ARL13B: variants seen among roughly 807,000 people sequenced by gnomAD.
The protein encoded by ARL13B is ADP-ribosylation factor-like protein 13B.
In ARL13B, 36 loss-of-function variants were observed where a neutral mutation model predicts 56.1. The observed-to-expected ratio is 0.64, with a 90% CI of 0.49 to 0.85. The LOEUF is 0.85. ARL13B is among the 40% of genes least tolerant of loss of function. The pLI, the probability that ARL13B is intolerant of heterozygous loss-of-function variation, is 0.00. For missense variants in ARL13B, 519 were observed against 507.1 expected (o/e 1.02, Z -0.23); for synonymous variants, 178 against 171.1 (o/e 1.04, Z -0.32).
At chr3:94,028,156 C>T (rs2076596982) in intron 3 of ARL13B, among the ~76,000 whole-genome samples, 1 of 151,990 alleles carries the variant, frequency 6.6e-6, no homozygotes, top group African/African-American at 2.4e-5. Context: ...TTTTTATTAT[C>T]GTAGTCTATT....
chr3:94,028,730 A>T (rs1039483873), intron 3 of ARL13B: 14 of 152,342 alleles, frequency 9.2e-5, no homozygotes, highest in Admixed American at 2.6e-4. Flanking sequence ...AGTATTTGGC[A>T]CTGGATCTGC....
intron 3 of ARL13B, among the ~76,000 whole-genome samples, chr3:94,010,425 A>G (rs370189940): frequency 1.8e-4 from 28 of 152,228 alleles, no homozygotes; most frequent in Admixed American, 4.6e-4. Context: ...GAAGCTTGTA[A>G]TTACAGAAAA....
intron 1 of ARL13B, among the ~76,000 whole-genome samples, chr3:93,995,573 T>C (rs2075952523): frequency 6.6e-6 from 1 of 152,166 alleles, no homozygotes; most frequent in African/African-American, 2.4e-5. Context: ...CAGAGTTAGA[T>C]TGTCTCCCTA....
At chr3:94,034,942 A>C (rs2076740372) in intron 3 of ARL13B, among the ~76,000 whole-genome samples, 1 of 152,238 alleles carries the variant, frequency 6.6e-6, no homozygotes, top group Non-Finnish European at 1.5e-5. Context: ...TGGGAATCAA[A>C]GAATGTGGTC....
intron 8 of ARL13B, 119 bp downstream of exon 8, chr3:94,049,641 G>A (rs771099846): frequency 4.9e-5 from 34 of 687,570 alleles, no homozygotes; most frequent in Non-Finnish European, 7.7e-5. Context: ...TTGTATACTT[G>A]TGAAGAAGAA....
intron 7 of ARL13B, among the ~76,000 whole-genome samples, chr3:94,043,984 G>A (rs1428584088): frequency 1.3e-5 from 2 of 151,878 alleles, no homozygotes; most frequent in Non-Finnish European, 2.9e-5. Context: ...CTGGAGTGCA[G>A]TGGCGTGATC....
Position 94,055,157 on chromosome 3 carries a change from TA to T in ARL13B, c.*1900del. ...TTCCTTAAGCATTTTAAAAACATTT[TA>T]AAAAATGTTTTGTAAATCCAGGTGT... On this transcript the variant is annotated 3_prime_UTR_variant, in exon 10 of 10. Coordinates refer to ENST00000394222, the MANE Select transcript of ARL13B (RefSeq NM_001174150.2). 1 of 368,680 alleles carries T rather than the reference TA, an allele frequency of 2.7e-6. No individual in the cohort carries two copies. Among genetic ancestry groups the T allele is most frequent in the South Asian group, 2.1e-5 (1 of 47,172 alleles). 22.8% of individuals were successfully genotyped at this position (368,680 alleles called of 1,614,324 possible). A position where few individuals can be genotyped will look rare whatever the true frequency, so the allele number is the denominator to read the frequency against.
intron 3 of ARL13B, chr3:94,028,664 T>C (rs776571250): frequency 2.6e-5 from 4 of 152,236 alleles, no homozygotes; most frequent in African/African-American, 9.6e-5. Context: ...TAAAGGAAGA[T>C]CATTTTCATT....
intron 7 of ARL13B, 76 bp from the exon 8 acceptor site, chr3:94,049,330 G>A: frequency 1.2e-6 from 1 of 836,868 alleles, no homozygotes. Flanking sequence ...CAGTATTCTT[G>A]TTGTATTCTT....
At chr3:94,029,309 T>TC (rs2076620126) in intron 3 of ARL13B, among the ~76,000 whole-genome samples, 1 of 90,222 alleles carries the variant, frequency 1.1e-5, no homozygotes, top group Admixed American at 1.2e-4. Context: ...ATCATATATA[T>TC]ATATATATAT....
At chr3:93,981,886 A>AAAAAG (rs1710238000) in intron 1 of ARL13B, among the ~76,000 whole-genome samples, 4 of 147,214 alleles carry the variant, frequency 2.7e-5, no homozygotes, top group African/African-American at 1.0e-4. Flanking sequence ...AAAAAAAAAA[A>AAAAAG]AAAGAAAAAA....
In ARL13B at chr3:93,980,235, A is replaced by T; in HGVS notation, c.-189A>T. On this transcript the variant is annotated 5_prime_UTR_variant, in exon 1 of 10. Coordinates refer to ENST00000394222, the MANE Select transcript of ARL13B (RefSeq NM_001174150.2). ...CAGGTTGTTCCTTGGCTAAGAGGGC[A>T]GTCGTCGCGGACCCACGCGGTTAGC... 1.4e-6 allele frequency: 1 copy of T among 735,520 alleles called. No individual in the cohort carries two copies. Among genetic ancestry groups the T allele is most frequent in the Non-Finnish European group, 2.4e-6 (1 of 416,056 alleles). The allele number at this position is 735,520 out of a possible 1,614,324, so 45.6% of individuals were successfully genotyped here. A position where few individuals can be genotyped will look rare whatever the true frequency, so the allele number is the denominator to read the frequency against.
chr3:94,011,270 T>C (rs914604537), intron 3 of ARL13B, among the ~76,000 whole-genome samples: 2 of 152,146 alleles, frequency 1.3e-5, no homozygotes, highest in African/African-American at 4.8e-5. Context: ...CATCTACACA[T>C]TCTGTGCTAG....
intron 7 of ARL13B, chr3:94,047,932 T>C (rs1417459379): frequency 6.6e-6 from 1 of 152,180 alleles, no homozygotes; most frequent in Non-Finnish European, 1.5e-5. Context: ...TATTGCTTTT[T>C]AGGCTTCACA....
At chr3:93,982,071 C>G (rs1710249078) in intron 1 of ARL13B, among the ~76,000 whole-genome samples, 1 of 152,108 alleles carries the variant, frequency 6.6e-6, no homozygotes, top group African/African-American at 2.4e-5. Context: ...ATGTATATAA[C>G]TTACGTTCTT....
At chr3:93,992,738 C>G (rs1202497435) in intron 1 of ARL13B, among the ~76,000 whole-genome samples, 2 of 152,040 alleles carry the variant, frequency 1.3e-5, no homozygotes, top group East Asian at 3.9e-4. Flanking sequence ...TACTTTAGTC[C>G]AATTCATTAT....
At chr3:94,027,405 T>G (rs1240549521) in intron 3 of ARL13B, among the ~76,000 whole-genome samples, 1 of 152,112 alleles carries the variant, frequency 6.6e-6, no homozygotes, top group African/African-American at 2.4e-5. Flanking sequence ...TCTAAATAAC[T>G]TATTGAATTA....
chr3:94,011,701 C>T (rs2076226968), intron 3 of ARL13B, among the ~76,000 whole-genome samples: 1 of 152,054 alleles, frequency 6.6e-6, no homozygotes, highest in Admixed American at 6.5e-5. Context: ...TGAGGAGTTT[C>T]TCTCTCTGGA....
chr3:93,993,718 A>T (rs2075916784), intron 1 of ARL13B, among the ~76,000 whole-genome samples: 1 of 152,246 alleles, frequency 6.6e-6, no homozygotes, highest in East Asian at 1.9e-4. Context: ...ATTCATAATT[A>T]TGAATTCTTA....
Sources: gnomAD v4.1 joint callset for allele counts (sites outside exome capture counted in the v4.1 genomes callset) on GRCh38, gnomAD v4.1.1 for gene constraint, MANE v1.5 for transcripts, NCBI Gene and HGNC (gene_info 2026-07-23, HGNC 2026-07-21) for gene names.